GRID2: variants seen among roughly 807,000 people sequenced by gnomAD.
GRID2 encodes the protein glutamate ionotropic receptor delta type subunit 2, also known as glutamate receptor ionotropic, delta-2.
In GRID2, 33 loss-of-function variants were observed where a neutral mutation model predicts 114.8. The observed-to-expected ratio is 0.29, with a 90% CI of 0.22 to 0.38. The LOEUF (loss-of-function observed/expected upper bound fraction) is 0.38. Among genes scored for constraint, GRID2 ranks in the 10% least tolerant of loss-of-function variants. GRID2 has a pLI of 1.00. For missense variants in GRID2, 1,184 were observed against 1,257.7 expected (o/e 0.94, Z 0.89); for synonymous variants, 505 against 449.9 (o/e 1.12, Z -1.55).
intron 13 of GRID2, among the ~76,000 whole-genome samples, chr4:93,591,259 G>A (rs1476043944): frequency 6.6e-6 from 1 of 151,580 alleles, no homozygotes; most frequent in African/African-American, 2.4e-5. Context: ...AGAGTTTTTA[G>A]CATGAAAAGT....
intron 14 of GRID2, among the ~76,000 whole-genome samples, chr4:93,742,540 A>G (rs1057414794): frequency 6.6e-6 from 1 of 152,222 alleles, no homozygotes; most frequent in African/African-American, 2.4e-5. Flanking sequence ...TATCAGAGCC[A>G]TTTTCCAAAA....
chr4:92,487,300 T>G (rs1203496510), intron 1 of GRID2, among the ~76,000 whole-genome samples: 3 of 152,008 alleles, frequency 2.0e-5, no homozygotes, highest in Non-Finnish European at 2.9e-5. Flanking sequence ...GTATTTAAAT[T>G]TAAACATTTA....
intron 8 of GRID2, among the ~76,000 whole-genome samples, chr4:93,323,476 A>G (rs1757470250): frequency 6.6e-6 from 1 of 152,122 alleles, no homozygotes; most frequent in African/African-American, 2.4e-5. Flanking sequence ...GAAGTCAGGT[A>G]GTGTGATGCC....
chr4:93,145,524 T>A lies in GRID2; in HGVS notation c.735+34571T>A, dbSNP rs1017581280. Reference sequence around the variant, plus strand: ...TCACCCAAGCTGGATTGCAATGGTGTGATCTGAGCTCACTGCAACCTCCAT... The same window carrying A: ...TCACCCAAGCTGGATTGCAATGGTGAGATCTGAGCTCACTGCAACCTCCAT... On this transcript the variant is annotated intron_variant, in intron 4 of 15. Coordinates refer to ENST00000282020, the MANE Select transcript of GRID2 (RefSeq NM_001510.4). 4.0e-5 allele frequency among the ~76,000 whole-genome samples: 6 copies of A among 150,510 alleles called. No individual in the cohort carries two copies. The South Asian group carries it at 1.3e-3, about 32-fold the overall frequency.
intron 2 of GRID2, among the ~76,000 whole-genome samples, chr4:92,701,935 C>T (rs1734693699): frequency 1.3e-5 from 2 of 151,952 alleles, no homozygotes; most frequent in Admixed American, 1.3e-4. Flanking sequence ...ATATACTGAC[C>T]CAATAATTTG....
chr4:92,822,251 C>A, intron 2 of GRID2: 1 of 557,916 alleles, frequency 1.8e-6, no homozygotes, highest in Non-Finnish European at 3.5e-6. Context: ...TATCAAGGTG[C>A]TTGCCTTTGT....
intron 2 of GRID2, among the ~76,000 whole-genome samples, chr4:92,969,310 A>G (rs1353899975): frequency 1.3e-5 from 2 of 151,748 alleles, no homozygotes; most frequent in Non-Finnish European, 2.9e-5. Context: ...AACTATAGAT[A>G]AAGAATTTTG....
At chr4:92,379,669 G>C (rs540037393) in intron 1 of GRID2, among the ~76,000 whole-genome samples, 2 of 151,906 alleles carry the variant, frequency 1.3e-5, no homozygotes, top group South Asian at 2.1e-4. Flanking sequence ...GAAAGACTAA[G>C]GATGTTAGGC....
At chr4:92,454,443 C>A (rs1315641498) in intron 1 of GRID2, among the ~76,000 whole-genome samples, 2 of 152,168 alleles carry the variant, frequency 1.3e-5, no homozygotes, top group Non-Finnish European at 2.9e-5. Flanking sequence ...TCAAATGAAG[C>A]ATAAATATAA....
Position 92,315,481 on chromosome 4 carries a change from T to G in GRID2, c.88+10737T>G, listed in dbSNP as rs141974630. On this transcript the variant is annotated intron_variant, in intron 1 of 15. Transcript: ENST00000282020. ...TTTCTATTTACTAGTTCATAGCTTCTTGGGGTGGTGAAATATCATTTGAAG... is the reference window on the plus strand; with the variant it reads ...TTTCTATTTACTAGTTCATAGCTTCGTGGGGTGGTGAAATATCATTTGAAG... Among the ~76,000 whole-genome samples the G allele has an allele frequency of 7.0e-3, 1,061 of 152,312 alleles. 12 individuals are homozygous for G. Among genetic ancestry groups the G allele is most frequent in the Non-Finnish European group, 0.011 (764 of 68,028 alleles).
At chr4:92,568,162 G>T (rs1259606455) in intron 1 of GRID2, among the ~76,000 whole-genome samples, 1 of 151,956 alleles carries the variant, frequency 6.6e-6, no homozygotes, top group Non-Finnish European at 1.5e-5. Flanking sequence ...AAGGAATAAC[G>T]AGATCAGGAC....
At chr4:93,746,011 A>G (rs1241137044) in intron 14 of GRID2, among the ~76,000 whole-genome samples, 1 of 152,150 alleles carries the variant, frequency 6.6e-6, no homozygotes, top group East Asian at 1.9e-4. Flanking sequence ...GGTAAATAGA[A>G]GTACTGCAGA....
chr4:92,811,180 T>A (rs1740649693), intron 2 of GRID2, among the ~76,000 whole-genome samples: 1 of 152,288 alleles, frequency 6.6e-6, no homozygotes, highest in South Asian at 2.1e-4. Context: ...AGTATGCAAC[T>A]GTCCCTGAAA....
chr4:93,475,942 C>A (rs2149440821), intron 11 of GRID2, among the ~76,000 whole-genome samples: 1 of 152,212 alleles, frequency 6.6e-6, no homozygotes, highest in African/African-American at 2.4e-5. Context: ...TTGCTTCATG[C>A]TGTTTGACAA....
intron 4 of GRID2, among the ~76,000 whole-genome samples, chr4:93,122,890 G>GT (rs886185779): frequency 0.076 from 5,316 of 69,580 alleles, 270 homozygotes; most frequent in African/African-American, 0.15. Flanking sequence ...ACAGATGTGG[G>GT]TTTTTTTTTT....
chr4:92,861,647 C>T (rs1204574245), intron 2 of GRID2, among the ~76,000 whole-genome samples: 1 of 152,006 alleles, frequency 6.6e-6, no homozygotes, highest in African/African-American at 2.4e-5. Flanking sequence ...GGCTTGGTTA[C>T]TACTACATTT....
At chr4:92,850,506 T>G (rs538591726) in intron 2 of GRID2, among the ~76,000 whole-genome samples, 1 of 152,042 alleles carries the variant, frequency 6.6e-6, no homozygotes, top group East Asian at 1.9e-4. Context: ...TTTGCAGTGT[T>G]CATACATAAA....
At chr4:93,558,558 G>T (rs1008610763) in intron 13 of GRID2, among the ~76,000 whole-genome samples, 4 of 152,034 alleles carry the variant, frequency 2.6e-5, no homozygotes, top group Non-Finnish European at 5.9e-5. Flanking sequence ...CCCTGAATAG[G>T]CCAATAGTAA....
intron 2 of GRID2, among the ~76,000 whole-genome samples, chr4:93,029,573 G>A (rs1724195792): frequency 2.0e-5 from 3 of 151,940 alleles, no homozygotes; most frequent in South Asian, 2.1e-4. Context: ...CCAGTAAACC[G>A]GAGTATTTTT....
Sources: gnomAD v4.1 joint callset for allele counts (sites outside exome capture counted in the v4.1 genomes callset) on GRCh38, gnomAD v4.1.1 for gene constraint, MANE v1.5 for transcripts, NCBI Gene and HGNC (gene_info 2026-07-23, HGNC 2026-07-21) for gene names.